The following WWOX variants were observed in gnomAD, a reference collection of about 807,000 sequenced individuals.
WWOX encodes WW domain containing oxidoreductase.
In WWOX, 69 loss-of-function variants were observed where a neutral mutation model predicts 46.2. The ratio of observed to expected loss-of-function variants is 1.49; its 90% CI spans 1.23 to 1.82. The LOEUF is 1.82. Ranked by LOEUF, WWOX falls within the 40% of genes most tolerant of loss-of-function variation. The pLI is 0.00. For missense variants in WWOX, 919 were observed against 542.6 expected, an observed-to-expected ratio of 1.69 and a Z score of -6.89; for synonymous variants, 359 against 202.6, an observed-to-expected ratio of 1.77 and a Z score of -6.56.
intron 8 of WWOX, among the ~76,000 whole-genome samples, chr16:78,838,230 G>C (rs1301430246): frequency 3.3e-5 from 5 of 152,124 alleles, no homozygotes; most frequent in South Asian, 2.1e-4. Context: ...GTGGAGGGCT[G>C]TGCCTTGGTC....
At chr16:78,476,479 A>G (rs2084350931) in intron 8 of WWOX, among the ~76,000 whole-genome samples, 1 of 152,160 alleles carries the variant, frequency 6.6e-6, no homozygotes, top group African/African-American at 2.4e-5. Flanking sequence ...GGGGAGAGGG[A>G]TAGCATTAGG....
At chr16:78,664,390 G>A (rs1373324732) in intron 8 of WWOX, among the ~76,000 whole-genome samples, 1 of 152,152 alleles carries the variant, frequency 6.6e-6, no homozygotes, top group Non-Finnish European at 1.5e-5. Flanking sequence ...GTAGGAAGTG[G>A]CAGGTTGGAG....
At chr16:78,407,256 A>G (rs749250401) in intron 6 of WWOX, among the ~76,000 whole-genome samples, 2 of 152,152 alleles carry the variant, frequency 1.3e-5, no homozygotes, top group Admixed American at 6.5e-5. Context: ...GGCCCTTTCT[A>G]TTGAATTTCA....
intron 8 of WWOX, among the ~76,000 whole-genome samples, chr16:78,735,258 T>C (rs2142397276): frequency 6.6e-6 from 1 of 152,222 alleles, no homozygotes; most frequent in Admixed American, 6.5e-5. Flanking sequence ...AAACTACACA[T>C]CAGTTCTCCT....
chr16:78,256,077 G>A (rs1233597868), intron 5 of WWOX, among the ~76,000 whole-genome samples: 1 of 149,386 alleles, frequency 6.7e-6, no homozygotes, highest in African/African-American at 2.5e-5. Context: ...TCGAACCCGG[G>A]AGGCAGAGGT....
intron 8 of WWOX, among the ~76,000 whole-genome samples, chr16:78,819,633 G>T (rs1198645950): frequency 2.0e-5 from 3 of 152,214 alleles, no homozygotes; most frequent in Non-Finnish European, 4.4e-5. Flanking sequence ...GTTGTACACT[G>T]TCCCTTCAAT....
intron 8 of WWOX, among the ~76,000 whole-genome samples, chr16:78,764,405 C>T (rs1259966516): frequency 1.3e-5 from 2 of 150,322 alleles, no homozygotes; most frequent in Admixed American, 6.6e-5. Context: ...GGCATTCTGT[C>T]CTCTTGTTGG....
chr16:78,908,189 C>T (rs1042582414), intron 8 of WWOX, among the ~76,000 whole-genome samples: 7 of 152,138 alleles, frequency 4.6e-5, no homozygotes, highest in Admixed American at 1.3e-4. Flanking sequence ...CCAACGGGTT[C>T]TCCTTGCCCG....
intron 8 of WWOX, among the ~76,000 whole-genome samples, chr16:78,635,494 T>G (rs569008951): frequency 6.6e-6 from 1 of 152,218 alleles, no homozygotes; most frequent in East Asian, 1.9e-4. Context: ...GCACCTGGGT[T>G]CATATCCTGG....
intron 6 of WWOX, among the ~76,000 whole-genome samples, chr16:78,423,971 C>G (rs1055420630): frequency 5.3e-5 from 8 of 151,888 alleles, no homozygotes; most frequent in Admixed American, 2.6e-4. Context: ...ATTCTGTATC[C>G]TTAAACAACA....
chr16:79,021,688 C>T (rs958624981), intron 8 of WWOX, among the ~76,000 whole-genome samples: 4 of 152,136 alleles, frequency 2.6e-5, no homozygotes, highest in Admixed American at 1.3e-4. Context: ...CAGTGCATTG[C>T]CTAAATGACA....
intron 8 of WWOX, among the ~76,000 whole-genome samples, chr16:78,518,577 A>G (rs1483327593): frequency 6.6e-6 from 1 of 152,178 alleles, no homozygotes. Flanking sequence ...ACTTTTGTCC[A>G]TTTCTACACA....
chr16:79,023,825 G>A (rs2047583827), intron 8 of WWOX, among the ~76,000 whole-genome samples: 1 of 151,616 alleles, frequency 6.6e-6, no homozygotes, highest in African/African-American at 2.4e-5. Context: ...ACATGGTGGT[G>A]CAGGCCTGTA....
intron 8 of WWOX, among the ~76,000 whole-genome samples, chr16:78,997,328 G>T (rs1274839827): frequency 1.3e-5 from 2 of 152,224 alleles, no homozygotes; most frequent in African/African-American, 4.8e-5. Flanking sequence ...TGGAAATAAC[G>T]TACCTCTTAA....
At chr16:79,046,950 A>G (rs953148355) in intron 8 of WWOX, among the ~76,000 whole-genome samples, 14 of 152,140 alleles carry the variant, frequency 9.2e-5, no homozygotes, top group African/African-American at 3.4e-4. Context: ...TCTCCCTTCC[A>G]TGTAAAAGTA....
At chr16:78,795,367 C>T (rs1056050972) in intron 8 of WWOX, among the ~76,000 whole-genome samples, 8 of 152,176 alleles carry the variant, frequency 5.3e-5, no homozygotes, top group African/African-American at 2.4e-5. Flanking sequence ...CCATATGCTT[C>T]TGTCTTCCTG....
At chr16:78,477,395 T>G (rs2151441424) in intron 8 of WWOX, among the ~76,000 whole-genome samples, 1 of 152,196 alleles carries the variant, frequency 6.6e-6, no homozygotes, top group South Asian at 2.1e-4. Flanking sequence ...TAAATCTATT[T>G]CTTTTTTTAA....
intron 8 of WWOX, among the ~76,000 whole-genome samples, chr16:79,116,534 A>G (rs1387209754): frequency 2.0e-5 from 3 of 152,172 alleles, no homozygotes; most frequent in East Asian, 3.8e-4. Context: ...GCTCATCTCT[A>G]AGAAGCAAGT....
intron 8 of WWOX, among the ~76,000 whole-genome samples, chr16:78,694,374 ACT>A (rs2048055201): frequency 6.6e-6 from 1 of 151,966 alleles, no homozygotes; most frequent in African/African-American, 2.4e-5. Context: ...AAAGGGCCAC[ACT>A]CTTAGCTGGA....
Sources: gnomAD v4.1 joint callset for allele counts (sites outside exome capture counted in the v4.1 genomes callset) on GRCh38, gnomAD v4.1.1 for gene constraint, MANE v1.5 for transcripts, NCBI Gene and HGNC (gene_info 2026-07-23, HGNC 2026-07-21) for gene names.